STAU1: variants seen among roughly 807,000 people sequenced by gnomAD.
STAU1 encodes staufen double-stranded RNA binding protein 1.
A neutral mutation model predicts 62.9 loss-of-function variants in STAU1; 13 were observed. The ratio of observed to expected loss-of-function variants is 0.21; its 90% CI spans 0.13 to 0.33. STAU1 has a LOEUF of 0.33. Ranked by LOEUF, STAU1 falls within the 10% of genes least tolerant of loss-of-function variation. The pLI, the probability that STAU1 is intolerant of heterozygous loss-of-function variation, is 1.00. For synonymous variants in STAU1, 269 were observed against 265.1 expected (o/e 1.01, Z -0.14); for missense variants, 571 against 712.1 (o/e 0.80, Z 2.25).
the STAU1 span, among the ~76,000 whole-genome samples, chr20:49,204,073 A>G: frequency 6.6e-6 from 1 of 152,084 alleles, no homozygotes. Context: ...TTTAATACTT[A>G]CAGAATACTG....
At chr20:49,164,958 T>C (rs1259894837) in intron 3 of STAU1, among the ~76,000 whole-genome samples, 1 of 152,204 alleles carries the variant, frequency 6.6e-6, no homozygotes, top group South Asian at 2.1e-4. Context: ...GCTGCCCCCT[T>C]GCTTGGGATA....
the STAU1 span, among the ~76,000 whole-genome samples, chr20:49,218,974 A>C: frequency 1.5e-5 from 2 of 137,116 alleles, no homozygotes; most frequent in Non-Finnish European, 3.0e-5. Context: ...CATGATCTCC[A>C]CTGCACCCCA....
chr20:49,130,523 G>A (rs1189553480), intron 6 of STAU1, among the ~76,000 whole-genome samples: 1 of 152,080 alleles, frequency 6.6e-6, no homozygotes, highest in Non-Finnish European at 1.5e-5. Flanking sequence ...AAGGGCACAA[G>A]GGCCAATTTA....
intron 2 of STAU1, among the ~76,000 whole-genome samples, chr20:49,172,880 C>T (rs931559958): frequency 6.6e-6 from 1 of 151,288 alleles, no homozygotes; most frequent in Non-Finnish European, 1.5e-5. Context: ...CATGATAATA[C>T]ATTTTTTTTT....
intron 2 of STAU1, among the ~76,000 whole-genome samples, chr20:49,171,907 C>T (rs1196092520): frequency 1.3e-5 from 2 of 148,452 alleles, no homozygotes; most frequent in Non-Finnish European, 3.0e-5. Context: ...AGAAATATGA[C>T]CAAACTACTT....
At chr20:49,201,692 A>G in the STAU1 span, among the ~76,000 whole-genome samples, 1 of 150,844 alleles carries the variant, frequency 6.6e-6, no homozygotes, top group Non-Finnish European at 1.5e-5. Context: ...CAGTGAGTCA[A>G]GATCACACCA....
intron 5 of STAU1, among the ~76,000 whole-genome samples, chr20:49,138,853 G>C (rs956151361): frequency 6.6e-6 from 1 of 152,028 alleles, no homozygotes; most frequent in African/African-American, 2.4e-5. Context: ...ACTTTTTTAT[G>C]AGTGAATCCT....
chr20:49,177,748 A>G (rs1568935812), intron 1 of STAU1, among the ~76,000 whole-genome samples: 1 of 152,200 alleles, frequency 6.6e-6, no homozygotes, highest in Non-Finnish European at 1.5e-5. Flanking sequence ...AGGAGCTGTT[A>G]GAGTCAGACA....
the STAU1 span, among the ~76,000 whole-genome samples, chr20:49,197,655 G>T: frequency 6.6e-6 from 1 of 151,878 alleles, no homozygotes; most frequent in Non-Finnish European, 1.5e-5. Flanking sequence ...AACCTCCTCG[G>T]CCTCCCAAAG....
intron 6 of STAU1, chr20:49,134,810 T>C (rs1229759523): frequency 7.2e-7 from 1 of 1,386,540 alleles, no homozygotes; most frequent in East Asian, 2.3e-5. Context: ...AGAGCCTGGT[T>C]TTCCACTTCA....
chr20:49,202,746 AAGG>A, the STAU1 span, among the ~76,000 whole-genome samples: 1 of 151,248 alleles, frequency 6.6e-6, no homozygotes, highest in Non-Finnish European at 1.5e-5. Context: ...AAAGAAGAAG[AAGG>A]AGAAGGAGGC....
At chr20:49,181,262 T>G (rs2093720925) in intron 1 of STAU1, among the ~76,000 whole-genome samples, 1 of 152,192 alleles carries the variant, frequency 6.6e-6, no homozygotes, top group South Asian at 2.1e-4. Context: ...TAAAATAACT[T>G]TCACCCTGTA....
the STAU1 span, among the ~76,000 whole-genome samples, chr20:49,214,678 T>C: frequency 6.6e-6 from 1 of 152,162 alleles, no homozygotes; most frequent in African/African-American, 2.4e-5. Context: ...ATCTGTCCAA[T>C]GGGAATAGCT....
At chr20:49,197,443 C>T in the STAU1 span, among the ~76,000 whole-genome samples, 1 of 150,556 alleles carries the variant, frequency 6.6e-6, no homozygotes, top group East Asian at 1.9e-4. Flanking sequence ...GCTCTGTTGC[C>T]CAGACTGGAG....
chr20:49,124,582 G>T lies in STAU1; in HGVS notation c.615C>A (p.Ala205=). 6.2e-7 allele frequency: 1 copy of T among 1,613,680 alleles called. No homozygotes were observed. The highest frequency in any genetic ancestry group is 8.5e-7 in the Non-Finnish European group (1 of 1,180,002). The change falls in exon 7 of 14, where the codon GCC becomes GCA. Residue 205 remains alanine, a synonymous_variant. Transcript: ENST00000371856. ...TCATGTGGGGTGGGCCACTCTCCCG[G>T]GCCACCTGTTTCAGAGGGAAAGACT... The part of the protein sequence containing the change: ...KRNLPVNFEV[A]RESGPPHMKN...
At chr20:49,218,644 C>T in the STAU1 span, among the ~76,000 whole-genome samples, 1 of 152,160 alleles carries the variant, frequency 6.6e-6, no homozygotes, top group African/African-American at 2.4e-5. Flanking sequence ...ACCCACCTGG[C>T]TTCCCAAAGT....
intron 6 of STAU1, chr20:49,134,568 G>T: frequency 1.5e-6 from 2 of 1,299,692 alleles, no homozygotes; most frequent in South Asian, 1.2e-5. Context: ...CAATTCAAAG[G>T]ACCTGCCCCC....
intron 1 of STAU1, among the ~76,000 whole-genome samples, chr20:49,175,272 A>C (rs1208675625): frequency 6.6e-6 from 1 of 151,990 alleles, no homozygotes; most frequent in Non-Finnish European, 1.5e-5. Flanking sequence ...CAGAGGTTGC[A>C]GTGAGCCAAG....
intron 7 of STAU1, 113 bp downstream of exon 7, chr20:49,124,262 G>T: frequency 7.6e-6 from 8 of 1,057,946 alleles, no homozygotes; most frequent in South Asian, 1.5e-5. Context: ...CAGGCCTGGG[G>T]TGTGGCACGT....
Sources: gnomAD v4.1 joint callset for allele counts (sites outside exome capture counted in the v4.1 genomes callset) on GRCh38, gnomAD v4.1.1 for gene constraint, MANE v1.5 for transcripts, NCBI Gene and HGNC (gene_info 2026-07-23, HGNC 2026-07-21) for gene names.